The following ASPDH variants were observed in gnomAD, a reference collection of about 807,000 sequenced individuals.
ASPDH encodes aspartate dehydrogenase domain containing.
Under a neutral mutation model 30.5 loss-of-function variants are expected in ASPDH, and 25 were observed. The ratio of observed to expected loss-of-function variants is 0.82; its 90% CI spans 0.60 to 1.14. The LOEUF is 1.14. Ranked by LOEUF, ASPDH falls within the 50% of genes most tolerant of loss-of-function variation. ASPDH has a pLI of 0.00. For synonymous variants in ASPDH, 168 were observed against 156.3 expected, an observed-to-expected ratio of 1.07 and a Z score of -0.56; for missense variants, 401 against 381.5, an observed-to-expected ratio of 1.05 and a Z score of -0.43.
rs1319598121 is a variant in ASPDH, at chr19:50,512,572, A to G, written c.441T>C (p.Arg147=). The part of the protein sequence containing the change: ...LDAAGGLRSL[R]VTMATHPDGF... ...CATCGGGGTGTGTGGCCATGGTGAC[A>G]CGAAGGCTCTGGAAGCAAGAGCCCG... The change falls in exon 5 of 7, where the codon CGT becomes CGC. Residue 147 remains arginine, a synonymous_variant. Transcript: ENST00000389208. 2 of 1,529,850 alleles carry G rather than the reference A, an allele frequency of 1.3e-6. No individual in the cohort carries two copies. Among genetic ancestry groups the G allele is most frequent in the Non-Finnish European group, 1.7e-6 (2 of 1,142,976 alleles). The allele number at this position is 1,529,850 out of a possible 1,614,324, so 94.8% of individuals were successfully genotyped here.
In ASPDH at chr19:50,512,523, C is replaced by T; in HGVS notation, c.490G>A (p.Ala164Thr). Residue 164 changes from alanine to threonine, a missense_variant, in exon 5 of 7, where the codon GCT (alanine) becomes ACT (threonine). Ala to Thr is a moderately conservative substitution (Grantham distance 58). Coordinates refer to ENST00000389208, the MANE Select transcript of ASPDH (RefSeq NM_001114598.2). ...CAAGGCCCAGGGCTGTGGGCTGCAG[C>T]CAGGGGTCCCTCAAGCCGGAAGCCA... ...PDGFRLEGPL[A>T]AAHSPGPCTV... 6.5e-7 allele frequency: 1 copy of T among 1,536,760 alleles called. No individual in the cohort carries two copies. Among genetic ancestry groups the T allele is most frequent in the Non-Finnish European group, 8.7e-7 (1 of 1,145,050 alleles).
Position 50,512,258 on chromosome 19 carries a change from A to G in ASPDH, c.686T>C (p.Leu229Pro), listed in dbSNP as rs375826388. 4.2e-5 allele frequency: 67 copies of G among 1,613,184 alleles called. No homozygotes were observed. The highest frequency in any genetic ancestry group is 1.0e-4 in the Admixed American group (6 of 59,938). ...LTDMHVVDVE[L>P]SGPRGPTGRS... ...GCCCGTGGGGCCCCGGGGTCCGCTC[A>G]GCTCTACATCCACCACGTGCATGTC... Residue 229 changes from leucine to proline, a missense_variant, in exon 6 of 7, where the codon CTG becomes CCG. Leu to Pro is a moderately conservative substitution (Grantham distance 98, BLOSUM62 -3). Transcript: ENST00000389208.
Position 50,511,688 on chromosome 19 carries a change from G to C in ASPDH, c.*42C>G. ...GGCAGGGGTGGGATGGTGGTGGTGA[G>C]AGGCCAGGCAGATGATCTTGTCTCG... On this transcript the variant is annotated 3_prime_UTR_variant, in exon 7 of 7. Transcript: ENST00000389208. 1.6e-6 allele frequency: 2 copies of C among 1,260,670 alleles called. No homozygotes were observed. The highest frequency in any genetic ancestry group is 2.0e-6 in the Non-Finnish European group (2 of 982,520). The allele number at this position is 1,260,670 out of a possible 1,614,324, so 78.1% of individuals were successfully genotyped here.
upstream of ASPDH, chr19:50,514,814 CG>C (rs1980163666): frequency 2.5e-6 from 1 of 407,432 alleles, no homozygotes; most frequent in African/African-American, 2.4e-5. Context: ...GTGGGGGGGG[CG>C]GGCACTGGGT....
chr19:50,513,554 G>A lies in ASPDH; in HGVS notation c.53-138C>T, dbSNP rs1980092074. 2.2e-6 allele frequency: 2 copies of A among 926,606 alleles called. No homozygotes were observed. The allele number at this position is 926,606 out of a possible 1,614,324, so 57.4% of individuals were successfully genotyped here. A position where few individuals can be genotyped will look rare whatever the true frequency, so the allele number is the denominator to read the frequency against. Reference sequence around the variant, plus strand: ...GATTGCGGGGTAGGGAGACAGAGATGGGGGCAGGGCAGAGACACAGTGGGG... The same window carrying A: ...GATTGCGGGGTAGGGAGACAGAGATAGGGGCAGGGCAGAGACACAGTGGGG... On this transcript the variant is annotated intron_variant, in intron 1 of 6. Transcript: ENST00000389208. The surrounding 1 kb of genome is among the most constrained non-coding windows in gnomAD (Gnocchi z 4.9).
rs373451453 is a variant in ASPDH, at chr19:50,512,698, TCAGCGCCCCA to T, written c.385_394del (p.Trp129ArgfsTer78). On this transcript the variant is annotated frameshift_variant, in exon 4 of 7. Coordinates refer to ENST00000389208, the MANE Select transcript of ASPDH (RefSeq NM_001114598.2). LOFTEE classifies it high-confidence loss of function. ...AGCTGCATCCAATCTCCTGATGTCC[TCAGCGCCCCA>T]CAGGGCCCCTCGGGCCACAAACACG... 13 of 1,551,020 alleles carry T rather than the reference TCAGCGCCCCA, an allele frequency of 8.4e-6. No individual in the cohort carries two copies. The highest frequency in any genetic ancestry group is 2.7e-5 in the African/African-American group (2 of 73,140).
chr19:50,511,851 G>T, intron 6 of ASPDH, 78 bp from the exon 7 acceptor site: 1 of 1,022,264 alleles, frequency 9.8e-7, no homozygotes, highest in South Asian at 2.2e-5. Context: ...AGTGGTGGGA[G>T]GAGGGGACAG....
rs1568709219 is a variant in ASPDH, at chr19:50,513,318, C to CGCTCCCT, written c.144_150dup (p.Val51ArgfsTer21). 1 of 1,532,650 alleles carries CGCTCCCT rather than the reference C, an allele frequency of 6.5e-7. No individual in the cohort carries two copies. The highest frequency in any genetic ancestry group is 1.4e-5 in the African/African-American group (1 of 72,430). The allele number at this position is 1,532,650 out of a possible 1,614,324, so 94.9% of individuals were successfully genotyped here. A position where few individuals can be genotyped will look rare whatever the true frequency, so the allele number is the denominator to read the frequency against. On this transcript the variant is annotated frameshift_variant, in exon 2 of 7. Transcript: ENST00000389208. LOFTEE classifies it high-confidence loss of function. The surrounding 1 kb of genome is among the most constrained non-coding windows in gnomAD (Gnocchi z 4.9). The stretch of plus-strand genomic sequence containing the variant: ...TTCTGGAGCTGCAGGGAAGGGGGCA[C>CGCTCCCT]GCTCCCTGCCATTCGTCCTGGGTCA...
chr19:50,512,000 T>A, intron 6 of ASPDH, 136 bp downstream of exon 6: 1 of 817,370 alleles, frequency 1.2e-6, no homozygotes, highest in Admixed American at 3.2e-5. Context: ...TGGAGAGAGG[T>A]TAAGGAAATA....
chr19:50,512,771 G>T lies in ASPDH; in HGVS notation c.322C>A (p.Arg108=). ...PSALSDQTTE[R]QLLEASQHWD... is the part of the protein sequence containing the mutation. ...TGCTGTGAGGCCTCCAAGAGCTGCC[G>T]CTCTGTGGTCTGGTCACTTAGAGCT... Residue 108 remains arginine (R), a synonymous_variant, in exon 4 of 7, where the codon CGG becomes AGG. Coordinates refer to ENST00000389208, the MANE Select transcript of ASPDH (RefSeq NM_001114598.2). 6.4e-7 allele frequency: 1 copy of T among 1,574,026 alleles called. No homozygotes were observed. The highest frequency in any genetic ancestry group is 8.6e-7 in the Non-Finnish European group (1 of 1,159,360).
At chr19:50,514,576 G>T, upstream of ASPDH, 1 of 1,612,918 alleles carries the variant, frequency 6.2e-7, no homozygotes, top group Non-Finnish European at 8.5e-7. Flanking sequence ...TCCCCAGCTC[G>T]CGTCAGCCCA....
rs547346495 is a variant in ASPDH, at chr19:50,513,801, C to T, written c.23G>A (p.Arg8Lys). 1.3e-6 allele frequency: 2 copies of T among 1,551,000 alleles called. No homozygotes were observed. Among genetic ancestry groups the T allele is most frequent in the Admixed American group, 2.0e-5 (1 of 50,968 alleles). The part of the protein sequence containing the change: MADRGPW[R>K]VGVVGYGRLG... ...GCGGCCATAGCCCACCACGCCCACC[C>T]TCCACGGGCCCCTGTCGGCCATGGC... The change falls in exon 1 of 7, where the codon AGG becomes AAG. Residue 8 changes from arginine (R) to lysine (K), a missense_variant. Coordinates refer to ENST00000389208, the MANE Select transcript of ASPDH (RefSeq NM_001114598.2). This position sits in a 1 kb window ranked among gnomAD's most constrained non-coding sequence, Gnocchi z 4.9.
chr19:50,511,615 C>T lies in ASPDH; in HGVS notation c.*115G>A, dbSNP rs1052662132. ...CGCCAGGCGGTGCGGGGGGAGGCAG[C>T]GGTGATCTTTACTGAGTCAGAAGGG... is the stretch of plus-strand genomic sequence containing the variant. On this transcript the variant is annotated 3_prime_UTR_variant, in exon 7 of 7. Coordinates refer to ENST00000389208, the MANE Select transcript of ASPDH (RefSeq NM_001114598.2). 25 of 550,140 alleles carry T rather than the reference C, an allele frequency of 4.5e-5. No homozygotes were observed. The highest frequency in any genetic ancestry group is 7.3e-5 in the Non-Finnish European group (25 of 341,826). The allele number at this position is 550,140 out of a possible 1,614,324, so 34.1% of individuals were successfully genotyped here. A position where few individuals can be genotyped will look rare whatever the true frequency, so the allele number is the denominator to read the frequency against.
At chr19:50,514,664 A>G, upstream of ASPDH, 1 of 1,559,704 alleles carries the variant, frequency 6.4e-7, no homozygotes. Flanking sequence ...GGTGCCTGGC[A>G]TCGGAAATGG....
upstream of ASPDH, chr19:50,514,379 G>T (rs1980136773): frequency 6.5e-7 from 1 of 1,548,304 alleles, no homozygotes; most frequent in Non-Finnish European, 8.9e-7. Context: ...GCCTCAGCGG[G>T]TCCAACCTCC....
At chr19:50,514,719 G>A (rs1027610680), upstream of ASPDH, 4 of 1,449,264 alleles carry the variant, frequency 2.8e-6, no homozygotes, top group African/African-American at 2.8e-5. Context: ...GCCACCACCT[G>A]GTACCCGCTG....
Position 50,513,048 on chromosome 19 carries a change from G to A in ASPDH, c.198-37C>T, listed in dbSNP as rs765298392. On this transcript the variant is annotated intron_variant, in intron 2 of 6. Coordinates refer to ENST00000389208, the MANE Select transcript of ASPDH (RefSeq NM_001114598.2). This position sits in a 1 kb window ranked among gnomAD's most constrained non-coding sequence, Gnocchi z 4.9. ...GAAAGAGGGCGGAGGGTCTTGGAGA[G>A]GTATTAGGCCTCTTCTCCCCAAGGT... 8.4e-6 allele frequency: 13 copies of A among 1,553,738 alleles called. No individual in the cohort carries two copies. The Admixed American group carries it at 2.3e-4, about 27-fold the overall frequency.
chr19:50,513,777 C>T lies in ASPDH; in HGVS notation c.47G>A (p.Arg16His), dbSNP rs1352779315. ...PWRVGVVGYG[R>H]LGQSLVSRLL... ...AAGGATGGTCAGGGACTCACCGAGG[C>T]GGCCATAGCCCACCACGCCCACCCT... is the stretch of plus-strand genomic sequence containing the variant. Residue 16 changes from arginine to histidine, a missense_variant, in exon 1 of 7, where the codon CGC becomes CAC. By Grantham distance (29) the Arg-to-His change is conservative. Coordinates refer to ENST00000389208, the MANE Select transcript of ASPDH (RefSeq NM_001114598.2). The surrounding 1 kb of genome is among the most constrained non-coding windows in gnomAD (Gnocchi z 4.9). 14 of 1,548,698 alleles carry T rather than the reference C, an allele frequency of 9.0e-6. No individual in the cohort carries two copies. Among genetic ancestry groups the T allele is most frequent in the East Asian group, 2.4e-5 (1 of 40,918 alleles).
In ASPDH at chr19:50,512,221, A is replaced by G; in HGVS notation, c.723T>C (p.Ala241=). The G allele has an allele frequency of 6.2e-7, 1 of 1,611,738 alleles. No homozygotes were observed. The highest frequency in any genetic ancestry group is 8.5e-7 in the Non-Finnish European group (1 of 1,179,596). ...GPRGPTGRSF[A]VHTRRENPAE... is the part of the protein sequence containing the mutation. ...CAGGGTTCTCTCTGCGGGTGTGCACAGCAAAGCTTCGGCCCGTGGGGCCCC... is the reference window on the plus strand; with the variant it reads ...CAGGGTTCTCTCTGCGGGTGTGCACGGCAAAGCTTCGGCCCGTGGGGCCCC... The change falls in exon 6 of 7, where the codon GCT becomes GCC. Residue 241 remains alanine (A), a synonymous_variant. Coordinates refer to ENST00000389208, the MANE Select transcript of ASPDH (RefSeq NM_001114598.2).
Sources: gnomAD v4.1 joint callset for allele counts on GRCh38, gnomAD v4.1.1 for gene constraint, Gnocchi (gnomAD v3.1) non-coding constraint, MANE v1.5 for transcripts, NCBI Gene and HGNC (gene_info 2026-07-23, HGNC 2026-07-21) for gene names.